The following AP2B1 variants were observed in gnomAD, a reference collection of about 807,000 sequenced individuals.
AP2B1 encodes adaptor related protein complex 2 subunit beta 1.
Under a neutral mutation model 102.0 loss-of-function variants are expected in AP2B1, and 23 were observed. The ratio of observed to expected loss-of-function variants is 0.23; its 90% CI spans 0.16 to 0.32. The LOEUF is 0.32. Ranked by LOEUF, AP2B1 falls within the 10% of genes least tolerant of loss-of-function variation. The pLI is 1.00. For synonymous variants in AP2B1, 381 were observed against 421.2 expected (o/e 0.90, Z 1.17); for missense variants, 541 against 1,157.4 (o/e 0.47, Z 7.73).
chr17:35,694,522 A>G (rs1421418955), intron 18 of AP2B1, among the ~76,000 whole-genome samples: 1 of 151,454 alleles, frequency 6.6e-6, no homozygotes, highest in African/African-American at 2.4e-5. Flanking sequence ...TGGCCTCCCA[A>G]AGTGCTGGGA....
In AP2B1 at chr17:35,590,133, C is replaced by T. The variant is rs183074582; in HGVS notation, c.-24+2705C>T. Among the ~76,000 whole-genome samples the T allele has an allele frequency of 2.2e-3, 332 of 152,140 alleles. 1 individual carries two copies. Among genetic ancestry groups the T allele is most frequent in the Non-Finnish European group, 3.8e-3 (260 of 67,992 alleles). On this transcript the variant is annotated intron_variant, in intron 1 of 21. Transcript: ENST00000610402. ...TAGAGACAGGGTTTCACCGTGTTAGCCAGGATGGTCTCGATCTCCTGACCT... is the reference window on the plus strand; with the variant it reads ...TAGAGACAGGGTTTCACCGTGTTAGTCAGGATGGTCTCGATCTCCTGACCT...
intron 14 of AP2B1, among the ~76,000 whole-genome samples, chr17:35,665,650 A>G (rs2075449950): frequency 6.6e-6 from 1 of 152,250 alleles, no homozygotes; most frequent in African/African-American, 2.4e-5. Context: ...CCTGAATAAT[A>G]GAGCTATTGG....
chr17:35,690,858 G>T (rs1288444984), intron 18 of AP2B1, among the ~76,000 whole-genome samples: 1 of 152,118 alleles, frequency 6.6e-6, no homozygotes, highest in Non-Finnish European at 1.5e-5. Flanking sequence ...TGATTTTTCA[G>T]TCTACTGCCT....
chr17:35,649,251 A>G (rs189196732), intron 12 of AP2B1, among the ~76,000 whole-genome samples: 2 of 152,286 alleles, frequency 1.3e-5, no homozygotes, highest in East Asian at 1.9e-4. Flanking sequence ...AAGCCTGCTA[A>G]TATTTAAAGC....
intron 5 of AP2B1, among the ~76,000 whole-genome samples, chr17:35,614,493 T>C (rs1264168870): frequency 6.6e-6 from 1 of 152,084 alleles, no homozygotes; most frequent in African/African-American, 2.4e-5. Flanking sequence ...CCTGGCCTGC[T>C]TTTTGTCTTC....
At chr17:35,693,280 C>G (rs914857184) in intron 18 of AP2B1, among the ~76,000 whole-genome samples, 1 of 152,096 alleles carries the variant, frequency 6.6e-6, no homozygotes. Flanking sequence ...CCTCGACCTC[C>G]CAGAGTGCTG....
At chr17:35,680,690 T>G (rs2075800391) in intron 17 of AP2B1, among the ~76,000 whole-genome samples, 1 of 56,880 alleles carries the variant, frequency 1.8e-5, no homozygotes, top group Admixed American at 1.7e-4. Context: ...GTTTTGGTTT[T>G]TTTTTTTTTG....
chr17:35,699,148 A>C (rs1037172904), intron 18 of AP2B1, among the ~76,000 whole-genome samples: 6 of 152,204 alleles, frequency 3.9e-5, no homozygotes, highest in African/African-American at 1.4e-4. Flanking sequence ...TCAAGGCTTT[A>C]CTAAGAGAGA....
intron 19 of AP2B1, among the ~76,000 whole-genome samples, chr17:35,709,892 T>G (rs888047595): frequency 3.3e-5 from 5 of 152,196 alleles, no homozygotes; most frequent in Non-Finnish European, 5.9e-5. Context: ...ACTTAATTGA[T>G]TTGATTCTTA....
In AP2B1 at chr17:35,655,044, A is replaced by G. The variant is rs1485750827; in HGVS notation, c.1797-2555A>G. On this transcript the variant is annotated intron_variant, in intron 13 of 21. Transcript: ENST00000610402. ...TAGAGCATACCTGTGTTGGATTAAC[A>G]GTATAAATAATAGGGTGTTTATTAT... Among the ~76,000 whole-genome samples, 12 of 152,286 alleles carry G rather than the reference A, an allele frequency of 7.9e-5. No homozygotes were observed. The East Asian group carries it at 1.7e-3, about 22-fold the overall frequency.
At chr17:35,661,441 C>T (rs989131471) in intron 14 of AP2B1, among the ~76,000 whole-genome samples, 6 of 152,126 alleles carry the variant, frequency 3.9e-5, no homozygotes, top group Admixed American at 6.5e-5. Context: ...AGACAGTGAC[C>T]GCCACAGAAG....
chr17:35,649,561 C>T (rs534995386), intron 12 of AP2B1, among the ~76,000 whole-genome samples: 27 of 152,250 alleles, frequency 1.8e-4, no homozygotes, highest in African/African-American at 5.8e-4. Context: ...TAAGCCACCG[C>T]GCCCGGCCCT....
At chr17:35,621,336 G>A (rs965133909) in intron 5 of AP2B1, 39 of 985,230 alleles carry the variant, frequency 4.0e-5, no homozygotes, top group Non-Finnish European at 4.1e-5. Flanking sequence ...CTCGGCTTAC[G>A]GACCAGGAAA....
intron 18 of AP2B1, among the ~76,000 whole-genome samples, chr17:35,687,529 A>G (rs1285241517): frequency 6.6e-6 from 1 of 151,894 alleles, no homozygotes; most frequent in Non-Finnish European, 1.5e-5. Flanking sequence ...ATTTACTTAA[A>G]TCAGTGTTCA....
intron 13 of AP2B1, among the ~76,000 whole-genome samples, chr17:35,655,208 A>T (rs1289833196): frequency 6.6e-6 from 1 of 152,206 alleles, no homozygotes; most frequent in Non-Finnish European, 1.5e-5. Flanking sequence ...TTAGTAATAG[A>T]TTAGCTCGCT....
intron 21 of AP2B1, among the ~76,000 whole-genome samples, chr17:35,723,117 A>C (rs1214355617): frequency 1.3e-5 from 2 of 152,206 alleles, no homozygotes; most frequent in East Asian, 3.8e-4. Context: ...TACTCTCCTC[A>C]TTATAATACA....
chr17:35,683,282 T>C (rs1165940019), intron 18 of AP2B1, among the ~76,000 whole-genome samples: 2 of 152,246 alleles, frequency 1.3e-5, no homozygotes, highest in Non-Finnish European at 2.9e-5. Flanking sequence ...GTTTTATGTT[T>C]TGTTGTTAAG....
At position 35,666,529 on chromosome 17, in the gene AP2B1, C is replaced by T. The variant is rs912414261; in HGVS notation, c.1990-4328C>T. On this transcript the variant is annotated intron_variant, in intron 14 of 21. Coordinates refer to ENST00000610402, the MANE Select transcript of AP2B1 (RefSeq NM_001030006.2). ...CCTGAAGTTGCCGTCTTTCCCCCTT[C>T]TTTCTGTATCTGATTTAGTTGACCT... Among the ~76,000 whole-genome samples the T allele has an allele frequency of 3.9e-5, 6 of 152,148 alleles. No homozygotes were observed. In the East Asian group the frequency reaches 1.2e-3, roughly 29 times the overall value.
At chr17:35,706,548 G>C (rs903629725) in intron 18 of AP2B1, among the ~76,000 whole-genome samples, 1 of 152,104 alleles carries the variant, frequency 6.6e-6, no homozygotes, top group African/African-American at 2.4e-5. Context: ...ATCCTCTAGA[G>C]AATGGGGATA....
Sources: gnomAD v4.1 joint callset for allele counts (sites outside exome capture counted in the v4.1 genomes callset) on GRCh38, gnomAD v4.1.1 for gene constraint, MANE v1.5 for transcripts, NCBI Gene and HGNC (gene_info 2026-07-23, HGNC 2026-07-21) for gene names.